TLL1: variants seen among roughly 807,000 people sequenced by gnomAD.
TLL1 encodes the protein tolloid-like protein 1.
Under a neutral mutation model 128.2 loss-of-function variants are expected in TLL1, and 49 were observed. That is an observed-to-expected ratio of 0.38 (90% confidence interval 0.30 to 0.48). The LOEUF (loss-of-function observed/expected upper bound fraction) is 0.48, where lower values mean the gene tolerates loss of function less well. Among genes scored for constraint, TLL1 ranks in the 20% least tolerant of loss-of-function variants. TLL1 has a pLI of 0.96. For missense variants in TLL1, 1,123 were observed against 1,242.0 expected, an observed-to-expected ratio of 0.90 and a Z score of 1.44; for synonymous variants, 454 against 418.8, an observed-to-expected ratio of 1.08 and a Z score of -1.03.
chr4:166,092,770 C>T (rs927001537), intron 19 of TLL1, among the ~76,000 whole-genome samples: 10 of 152,020 alleles, frequency 6.6e-5, no homozygotes, highest in African/African-American at 2.4e-4. Flanking sequence ...TATACTGTCT[C>T]TTTTTACCCC....
intron 19 of TLL1, among the ~76,000 whole-genome samples, chr4:166,092,760 T>C (rs1019246318): frequency 6.6e-6 from 1 of 152,176 alleles, no homozygotes; most frequent in African/African-American, 2.4e-5. Context: ...AACTTACTTT[T>C]ATACTGTCTC....
At position 165,998,564 on chromosome 4, in the gene TLL1, C is replaced by T. The variant is rs556389727; in HGVS notation, c.632+3386C>T. 2.5e-3 allele frequency among the ~76,000 whole-genome samples: 376 copies of T among 151,898 alleles called. 1 individual carries two copies. Among genetic ancestry groups the T allele is most frequent in the Non-Finnish European group, 3.7e-3 (248 of 67,938 alleles). On this transcript the variant is annotated intron_variant, in intron 5 of 20. Coordinates refer to ENST00000061240, the MANE Select transcript of TLL1 (RefSeq NM_012464.5). ...ATCCCAGCACTTTGGGAGGCCGAGG[C>T]GGGCGGATCACGAGGTCAGGAGCTC...
intron 19 of TLL1, among the ~76,000 whole-genome samples, chr4:166,093,904 A>G (rs1026530549): frequency 3.9e-5 from 6 of 152,098 alleles, no homozygotes; most frequent in African/African-American, 4.8e-5. Flanking sequence ...TCCATACAAC[A>G]TATGTTTTTG....
chr4:165,925,440 A>T (rs1456229980), intron 1 of TLL1, among the ~76,000 whole-genome samples: 1 of 152,184 alleles, frequency 6.6e-6, no homozygotes, highest in African/African-American at 2.4e-5. Context: ...TAGTTAGAGA[A>T]CTAGAATTAG....
intron 1 of TLL1, among the ~76,000 whole-genome samples, chr4:165,968,608 A>G (rs1735498127): frequency 6.6e-6 from 1 of 152,182 alleles, no homozygotes; most frequent in Non-Finnish European, 1.5e-5. Flanking sequence ...ATGTGGAAGT[A>G]TTGACTTTTT....
intron 1 of TLL1, among the ~76,000 whole-genome samples, chr4:165,974,928 A>T (rs1306504033): frequency 6.6e-6 from 1 of 150,834 alleles, no homozygotes; most frequent in East Asian, 1.9e-4. Flanking sequence ...TCTCAGGGAC[A>T]GTTCTCAGGA....
At chr4:165,895,546 A>G (rs1420405340) in intron 1 of TLL1, among the ~76,000 whole-genome samples, 1 of 149,758 alleles carries the variant, frequency 6.7e-6, no homozygotes, top group African/African-American at 2.5e-5. Context: ...TGGAAGACTC[A>G]ATATTGTTAA....
intron 1 of TLL1, among the ~76,000 whole-genome samples, chr4:165,976,034 CAAAAAAAA>C (rs1169297533): frequency 3.3e-4 from 24 of 72,088 alleles, no homozygotes; most frequent in African/African-American, 8.2e-4. Flanking sequence ...GATTCCATCT[CAAAAAAAA>C]AAAAAAAAAA....
At chr4:165,985,550 A>G (rs1258530548) in intron 1 of TLL1, among the ~76,000 whole-genome samples, 1 of 151,966 alleles carries the variant, frequency 6.6e-6, no homozygotes, top group Non-Finnish European at 1.5e-5. Flanking sequence ...ATATTTTTGC[A>G]TATAGTTTTT....
chr4:166,062,464 A>C (rs6815812), intron 15 of TLL1, among the ~76,000 whole-genome samples: 1 of 151,824 alleles, frequency 6.6e-6, no homozygotes, highest in Non-Finnish European at 1.5e-5. Context: ...CAAGGTATTT[A>C]ATTCTCTTTG....
At chr4:165,991,004 G>A (rs145960703) in intron 2 of TLL1, among the ~76,000 whole-genome samples, 1 of 151,836 alleles carries the variant, frequency 6.6e-6, no homozygotes, top group African/African-American at 2.4e-5. Flanking sequence ...AACGCATTCT[G>A]GACAGTAGAG....
intron 1 of TLL1, among the ~76,000 whole-genome samples, chr4:165,951,362 T>C (rs1734506908): frequency 6.6e-6 from 1 of 152,074 alleles, no homozygotes; most frequent in East Asian, 1.9e-4. Flanking sequence ...TGTGGTGTAG[T>C]GCTGAAACAT....
intron 20 of TLL1, among the ~76,000 whole-genome samples, chr4:166,100,183 A>G (rs767745188): frequency 6.6e-5 from 10 of 152,148 alleles, no homozygotes; most frequent in Admixed American, 1.3e-4. Flanking sequence ...TTTTGTCCTG[A>G]AGATAGTAGT....
At chr4:165,889,803 C>A (rs1485610357) in intron 1 of TLL1, among the ~76,000 whole-genome samples, 1 of 152,074 alleles carries the variant, frequency 6.6e-6, no homozygotes, top group African/African-American at 2.4e-5. Flanking sequence ...ATAAGGTTTC[C>A]ATTTTTTCTT....
In TLL1 at chr4:166,003,561, T is replaced by G; in HGVS notation, c.803T>G (p.Ile268Ser). ...CACGTAACTATCATAAGAGAAAACA[T>G]CCAGCCAGGTGAGAGGCATAGAATG... Reference protein sequence around the residue: ...DNHVTIIRENIQPGQEYNFLK... With the variant: ...DNHVTIIRENSQPGQEYNFLK... Residue 268 changes from isoleucine (I) to serine (S), a missense_variant, in exon 6 of 21, where the codon ATC becomes AGC. Physicochemically the swap from Ile to Ser is moderately radical, Grantham distance 142. Around this residue, in one of 3 missense-constraint regions of TLL1, gnomAD observed 480 missense variants for 542.4 expected, o/e 0.89. Transcript: ENST00000061240. 1 of 1,613,894 alleles carries G rather than the reference T, an allele frequency of 6.2e-7. No homozygotes were observed. The highest frequency in any genetic ancestry group is 8.5e-7 in the Non-Finnish European group (1 of 1,179,840).
At chr4:165,953,055 C>G (rs1734601539) in intron 1 of TLL1, among the ~76,000 whole-genome samples, 1 of 151,998 alleles carries the variant, frequency 6.6e-6, no homozygotes, top group African/African-American at 2.4e-5. Context: ...AATATCAAAT[C>G]AAAATGAAGG....
intron 1 of TLL1, among the ~76,000 whole-genome samples, chr4:165,916,590 T>C (rs1478714870): frequency 6.6e-6 from 1 of 152,146 alleles, no homozygotes; most frequent in African/African-American, 2.4e-5. Flanking sequence ...ATAAAGGATA[T>C]ATGTAGGGGT....
intron 6 of TLL1, among the ~76,000 whole-genome samples, chr4:166,005,541 T>C (rs1737383219): frequency 2.0e-5 from 3 of 151,858 alleles, no homozygotes; most frequent in South Asian, 4.1e-4. Context: ...TGAAGTGATC[T>C]GTAGGGTTAG....
At position 165,959,682 on chromosome 4, in the gene TLL1, A is replaced by G. The variant is rs541123821; in HGVS notation, c.170-29699A>G. Among the ~76,000 whole-genome samples the G allele has an allele frequency of 2.0e-3, 302 of 152,278 alleles. 1 individual carries two copies. Among genetic ancestry groups the G allele is most frequent in the Middle Eastern group, 6.8e-3 (2 of 294 alleles). On this transcript the variant is annotated intron_variant, in intron 1 of 20. Coordinates refer to ENST00000061240, the MANE Select transcript of TLL1 (RefSeq NM_012464.5). ...TGCAATAAAAATAGAAACAAATAAC[A>G]GGAGTATCTTTCAAAACCACACTAT...
Sources: gnomAD v4.1 joint callset for allele counts (sites outside exome capture counted in the v4.1 genomes callset) on GRCh38, gnomAD v4.1.1 for gene constraint, gnomAD v4.1.1 regional missense constraint, MANE v1.5 for transcripts, NCBI Gene and HGNC (gene_info 2026-07-23, HGNC 2026-07-21) for gene names.